The following NRXN3 variants were observed in gnomAD, a reference collection of about 807,000 sequenced individuals.
NRXN3 encodes the protein neurexin III.
Under a neutral mutation model 137.6 loss-of-function variants are expected in NRXN3, and 32 were observed. The observed-to-expected ratio is 0.23, with a 90% CI of 0.18 to 0.31. NRXN3 has a LOEUF of 0.31. NRXN3 is among the 10% of genes least tolerant of loss of function. The pLI, the probability that NRXN3 is intolerant of heterozygous loss-of-function variation, is 1.00. For synonymous variants in NRXN3, 798 were observed against 784.5 expected, an observed-to-expected ratio of 1.02 and a Z score of -0.29; for missense variants, 1,574 against 2,062.5, an observed-to-expected ratio of 0.76 and a Z score of 4.59.
rs2093376729 is a variant in NRXN3 at position 78,420,092 on chromosome 14, G to GA, written c.757+122240dup. On this transcript the variant is annotated intron_variant, in intron 4 of 20. Transcript: ENST00000335750. ...CTTCTGCTTTTGGGCAGGGAAGATG[G>GA]AAAAAAAAGGTAAAATGGGGTTATT... is the stretch of plus-strand genomic sequence containing the variant. Among the ~76,000 whole-genome samples, 6 of 151,790 alleles carry GA rather than the reference G, an allele frequency of 4.0e-5. No individual in the cohort carries two copies. The South Asian group carries it at 8.3e-4, about 21-fold the overall frequency.
At chr14:79,666,485 A>G (rs1431676360) in intron 17 of NRXN3, among the ~76,000 whole-genome samples, 4 of 152,078 alleles carry the variant, frequency 2.6e-5, no homozygotes, top group African/African-American at 9.7e-5. Flanking sequence ...TCAATTAGAC[A>G]AGGTAGATAT....
intron 1 of NRXN3, among the ~76,000 whole-genome samples, chr14:78,231,125 GGA>G (rs2153436931): frequency 6.6e-6 from 1 of 152,190 alleles, no homozygotes; most frequent in South Asian, 2.1e-4. Context: ...AGGTAGAGGA[GGA>G]GAGATGGTAG....
chr14:78,779,951 A>C (rs956033641), intron 8 of NRXN3, among the ~76,000 whole-genome samples: 12 of 152,144 alleles, frequency 7.9e-5, no homozygotes, highest in African/African-American at 2.9e-4. Flanking sequence ...GGAATTTGAC[A>C]AGCTAACTCT....
chr14:79,062,347 T>A (rs2099675273), intron 15 of NRXN3, among the ~76,000 whole-genome samples: 1 of 152,142 alleles, frequency 6.6e-6, no homozygotes, highest in Non-Finnish European at 1.5e-5. Context: ...TGAGGGAAAT[T>A]GTAATTAAAC....
At chr14:78,915,065 A>G (rs1393321376) in intron 10 of NRXN3, among the ~76,000 whole-genome samples, 1 of 152,102 alleles carries the variant, frequency 6.6e-6, no homozygotes, top group African/African-American at 2.4e-5. Context: ...TAATTAATGG[A>G]AAAGGAAATC....
intron 15 of NRXN3, among the ~76,000 whole-genome samples, chr14:79,239,375 T>C: frequency 6.6e-6 from 1 of 152,020 alleles, no homozygotes; most frequent in Non-Finnish European, 1.5e-5. Flanking sequence ...GAAGATAGAT[T>C]GGGGCCTTTA....
chr14:78,645,623 C>G (rs2097679167), intron 5 of NRXN3, among the ~76,000 whole-genome samples: 1 of 146,502 alleles, frequency 6.8e-6, no homozygotes, highest in Non-Finnish European at 1.5e-5. Flanking sequence ...AATTCTCTCT[C>G]TGTGCTTGTT....
intron 4 of NRXN3, among the ~76,000 whole-genome samples, chr14:78,425,772 G>A (rs767194562): frequency 2.0e-5 from 3 of 152,034 alleles, no homozygotes; most frequent in Admixed American, 6.6e-5. Flanking sequence ...ACCCCTCTTC[G>A]ATTTGTACCA....
intron 16 of NRXN3, among the ~76,000 whole-genome samples, chr14:79,608,591 G>A (rs951955731): frequency 1.3e-5 from 2 of 152,188 alleles, no homozygotes; most frequent in Non-Finnish European, 2.9e-5. Flanking sequence ...GAAGGAAGGT[G>A]ATGCTGATGA....
chr14:79,508,091 T>C (rs1043246202), intron 16 of NRXN3, among the ~76,000 whole-genome samples: 5 of 152,136 alleles, frequency 3.3e-5, no homozygotes, highest in Non-Finnish European at 5.9e-5. Flanking sequence ...GTGTCACTTA[T>C]GAACTGCATG....
chr14:79,569,214 C>T (rs2097575589), intron 16 of NRXN3, among the ~76,000 whole-genome samples: 1 of 151,936 alleles, frequency 6.6e-6, no homozygotes, highest in South Asian at 2.1e-4. Context: ...TAACCTCCTA[C>T]CAAACAATCC....
intron 6 of NRXN3, among the ~76,000 whole-genome samples, chr14:78,689,809 T>G (rs1320308864): frequency 2.6e-5 from 4 of 151,928 alleles, no homozygotes; most frequent in Non-Finnish European, 5.9e-5. Flanking sequence ...GTTGAGTGGC[T>G]TGGTCTCACT....
At chr14:78,587,646 C>A (rs1308205707) in intron 4 of NRXN3, among the ~76,000 whole-genome samples, 1 of 152,180 alleles carries the variant, frequency 6.6e-6, no homozygotes, top group Non-Finnish European at 1.5e-5. Context: ...TACACATTCG[C>A]AACTATTTTT....
chr14:78,923,365 T>C (rs904332957), intron 10 of NRXN3, among the ~76,000 whole-genome samples: 10 of 152,226 alleles, frequency 6.6e-5, no homozygotes, highest in African/African-American at 1.9e-4. Flanking sequence ...GGTTTGAGTA[T>C]GTTCGATGCA....
In NRXN3 at chr14:78,474,184, G is replaced by C. The variant is rs530001297; in HGVS notation, c.758-170936G>C. On this transcript the variant is annotated intron_variant, in intron 4 of 20. Coordinates refer to ENST00000335750, the MANE Select transcript of NRXN3 (RefSeq NM_001330195.2). Reference sequence around the variant, plus strand: ...AATTATCATTCATCTGATAAGAAGAGAGAGTAAGAGATAGGGAATGGTGTA... The same window carrying C: ...AATTATCATTCATCTGATAAGAAGACAGAGTAAGAGATAGGGAATGGTGTA... Among the ~76,000 whole-genome samples the C allele has an allele frequency of 9.8e-4, 149 of 152,306 alleles. 1 individual carries two copies. Among genetic ancestry groups the C allele is most frequent in the South Asian group, 8.9e-3 (43 of 4,824 alleles).
intron 15 of NRXN3, among the ~76,000 whole-genome samples, chr14:79,091,811 A>G (rs1486343012): frequency 1.3e-5 from 2 of 152,080 alleles, no homozygotes; most frequent in East Asian, 3.9e-4. Flanking sequence ...AACAAAAGTG[A>G]ATGATTAGGG....
chr14:79,760,828 T>C (rs1294549183), intron 19 of NRXN3: 1 of 151,610 alleles, frequency 6.6e-6, no homozygotes, highest in Non-Finnish European at 1.5e-5. Context: ...CACAAAGATT[T>C]CTGTGGGTAT....
chr14:78,604,684 G>A (rs1384016198), intron 4 of NRXN3, among the ~76,000 whole-genome samples: 1 of 152,166 alleles, frequency 6.6e-6, no homozygotes, highest in Non-Finnish European at 1.5e-5. Context: ...TGAGTCTGGA[G>A]GAGTTAAGAC....
intron 15 of NRXN3, among the ~76,000 whole-genome samples, chr14:79,238,552 C>G (rs770572327): frequency 6.6e-6 from 1 of 152,030 alleles, no homozygotes; most frequent in Non-Finnish European, 1.5e-5. Context: ...ATACATTACA[C>G]ACACACACAT....
Sources: gnomAD v4.1 joint callset for allele counts (sites outside exome capture counted in the v4.1 genomes callset) on GRCh38, gnomAD v4.1.1 for gene constraint, MANE v1.5 for transcripts, NCBI Gene and HGNC (gene_info 2026-07-23, HGNC 2026-07-21) for gene names.